Variants in KCNN2 observed in about 807,000 individuals in gnomAD.
The protein encoded by KCNN2 is small conductance calcium-activated potassium channel protein 2.
Under a neutral mutation model 55.5 loss-of-function variants are expected in KCNN2, and 24 were observed. The ratio of observed to expected loss-of-function variants is 0.43; its 90% CI spans 0.31 to 0.61. KCNN2 has a LOEUF of 0.61. Ranked by LOEUF, KCNN2 falls within the 20% of genes least tolerant of loss-of-function variation. The pLI is 0.08. For missense variants in KCNN2, 754 were observed against 853.6 expected (o/e 0.88, Z 1.45); for synonymous variants, 431 against 336.1 (o/e 1.28, Z -3.09).
intron 2 of KCNN2, among the ~76,000 whole-genome samples, chr5:114,385,542 CA>C (rs1482679554): frequency 5.5e-4 from 83 of 151,886 alleles, no homozygotes; most frequent in Non-Finnish European, 1.3e-4. Flanking sequence ...CACACACACA[CA>C]CACACACACA....
chr5:114,315,465 G>GTGTA (rs1756484577), intron 2 of KCNN2, among the ~76,000 whole-genome samples: 1 of 68,150 alleles, frequency 1.5e-5, no homozygotes. Flanking sequence ...GTGTGTGTGT[G>GTGTA]TATATATATA....
intron 6 of KCNN2, among the ~76,000 whole-genome samples, chr5:114,489,576 T>C (rs977933597): frequency 3.9e-5 from 6 of 152,190 alleles, no homozygotes; most frequent in African/African-American, 1.4e-4. Flanking sequence ...GCTTTATAAA[T>C]TCATCTAGGG....
At chr5:114,278,604 G>A (rs927879292) in intron 2 of KCNN2, among the ~76,000 whole-genome samples, 2 of 152,226 alleles carry the variant, frequency 1.3e-5, no homozygotes, top group Non-Finnish European at 2.9e-5. Context: ...CCTTGCTCCA[G>A]CATCCCAGGT....
At chr5:114,358,135 C>T (rs1376693136), upstream of KCNN2, among the ~76,000 whole-genome samples, 2 of 151,744 alleles carry the variant, frequency 1.3e-5, no homozygotes, top group Non-Finnish European at 2.9e-5. Flanking sequence ...TAAAGAGCTT[C>T]TGCACAGCAA....
intron 2 of KCNN2, among the ~76,000 whole-genome samples, chr5:114,222,139 A>G (rs1272161594): frequency 6.6e-6 from 1 of 152,244 alleles, no homozygotes; most frequent in Non-Finnish European, 1.5e-5. Context: ...TATCCAAAGC[A>G]GAATGCAAAA....
chr5:114,081,943 A>G (rs570773690), intron 1 of KCNN2, among the ~76,000 whole-genome samples: 1 of 152,340 alleles, frequency 6.6e-6, no homozygotes, highest in South Asian at 2.1e-4. Context: ...TAAAATGGGC[A>G]AAGGATTGAA....
intron 1 of KCNN2, among the ~76,000 whole-genome samples, chr5:114,363,688 A>G (rs1268634147): frequency 6.6e-6 from 1 of 152,126 alleles, no homozygotes; most frequent in Non-Finnish European, 1.5e-5. Context: ...CAGCCCAGCC[A>G]CGCGTCTTCC....
rs199821673 is a variant in KCNN2 at position 114,404,495 on chromosome 5, A to G, written c.1276A>G (p.Ile426Val). Residue 426 changes from isoleucine to valine, a missense_variant, in exon 3 of 8, where the codon ATT becomes GTT. By Grantham distance (29) the Ile-to-Val change is conservative. Around this residue, in one of 4 missense-constraint regions of KCNN2, gnomAD observed 123 missense variants for 204.9 expected, o/e 0.60. Coordinates refer to ENST00000673685, the MANE Select transcript of KCNN2 (RefSeq NM_021614.4). ...DWRIAMTYER[I>V]FFICLEILVC... ...GAGAATAGCCATGACTTATGAGCGT[A>G]TTTTCTTCATCTGCTTGGAAATACT... 3.1e-6 allele frequency: 5 copies of G among 1,613,310 alleles called. No homozygotes were observed. Among genetic ancestry groups the G allele is most frequent in the South Asian group, 1.1e-5 (1 of 91,078 alleles).
Position 114,496,119 on chromosome 5 carries a change from G to C in KCNN2, c.2313G>C (p.Arg771=). ...KHVTYNAERS[R]SSSRRRRSSS... ...TCACTTACAATGCTGAGCGGTCCCG[G>C]TCCTCGTCCAGGAGGCGGCGGTCCT... Residue 771 remains arginine (R), a synonymous_variant, in exon 8 of 8, where the codon CGG becomes CGC. Coordinates refer to ENST00000673685, the MANE Select transcript of KCNN2 (RefSeq NM_021614.4). The C allele has an allele frequency of 6.2e-7, 1 of 1,614,002 alleles. No homozygotes were observed. Among genetic ancestry groups the C allele is most frequent in the Non-Finnish European group, 8.5e-7 (1 of 1,179,974 alleles).
intron 1 of KCNN2, among the ~76,000 whole-genome samples, chr5:114,136,602 C>G (rs1002517375): frequency 3.9e-5 from 6 of 152,050 alleles, no homozygotes; most frequent in East Asian, 1.9e-4. Context: ...TCTTCATAAG[C>G]CTTTTAGAAT....
intron 2 of KCNN2, among the ~76,000 whole-genome samples, chr5:114,344,137 A>G (rs541943641): frequency 4.6e-5 from 7 of 152,320 alleles, no homozygotes; most frequent in African/African-American, 1.7e-4. Flanking sequence ...GGTTGAGGGC[A>G]TGGTCTTCAA....
intron 2 of KCNN2, among the ~76,000 whole-genome samples, chr5:114,393,432 T>G (rs1758515737): frequency 6.6e-6 from 1 of 152,156 alleles, no homozygotes; most frequent in Non-Finnish European, 1.5e-5. Context: ...TTTCTAGTTT[T>G]GAAGTTTTGT....
intron 2 of KCNN2, among the ~76,000 whole-genome samples, chr5:114,289,159 G>A (rs554669695): frequency 6.6e-6 from 1 of 152,152 alleles, no homozygotes; most frequent in South Asian, 2.1e-4. Context: ...AGTAATAGAA[G>A]TATGGGTTTA....
chr5:114,287,175 T>G (rs1755771910), intron 2 of KCNN2, among the ~76,000 whole-genome samples: 1 of 152,160 alleles, frequency 6.6e-6, no homozygotes, highest in Admixed American at 6.5e-5. Context: ...TTCCAACCAT[T>G]GTGGAAGACA....
At chr5:114,228,979 T>G (rs1463698494) in intron 2 of KCNN2, among the ~76,000 whole-genome samples, 3 of 152,090 alleles carry the variant, frequency 2.0e-5, no homozygotes, top group Admixed American at 1.3e-4. Flanking sequence ...TTTCTGAATT[T>G]AACAGTAAAA....
chr5:114,167,173 C>G (rs1311526756), intron 1 of KCNN2, among the ~76,000 whole-genome samples: 1 of 152,104 alleles, frequency 6.6e-6, no homozygotes, highest in Non-Finnish European at 1.5e-5. Context: ...CAGGCCCTAA[C>G]CTACTACCAG....
intron 2 of KCNN2, among the ~76,000 whole-genome samples, chr5:114,399,368 G>A (rs532408519): frequency 6.6e-6 from 1 of 152,188 alleles, no homozygotes; most frequent in South Asian, 2.1e-4. Flanking sequence ...TGTGATTTCT[G>A]TTTTTACTTC....
intron 2 of KCNN2, among the ~76,000 whole-genome samples, chr5:114,267,525 A>AGAAC (rs148829524): frequency 0.01 from 1,598 of 152,296 alleles, 35 homozygotes; most frequent in African/African-American, 0.036. Context: ...CCAGAGCCAG[A>AGAAC]GAACAGTAGT....
At chr5:114,209,911 A>T (rs533165657) in intron 1 of KCNN2, among the ~76,000 whole-genome samples, 46 of 147,494 alleles carry the variant, frequency 3.1e-4, no homozygotes, top group African/African-American at 1.0e-3. Context: ...CTACTCACTA[A>T]AATTTTTATT....
Sources: gnomAD v4.1 joint callset for allele counts (sites outside exome capture counted in the v4.1 genomes callset) on GRCh38, gnomAD v4.1.1 for gene constraint, gnomAD v4.1.1 regional missense constraint, MANE v1.5 for transcripts, NCBI Gene and HGNC (gene_info 2026-07-23, HGNC 2026-07-21) for gene names.